CTNNA2: variants seen among roughly 807,000 people sequenced by gnomAD.
CTNNA2 encodes catenin alpha-2.
Under a neutral mutation model 101.0 loss-of-function variants are expected in CTNNA2, and 42 were observed. That is an observed-to-expected ratio of 0.42 (90% CI 0.32 to 0.54). The LOEUF is 0.54. Ranked by LOEUF, CTNNA2 falls within the 20% of genes least tolerant of loss-of-function variation. CTNNA2 has a pLI of 0.14. For missense variants in CTNNA2, 871 were observed against 1,223.1 expected (o/e 0.71, Z 4.29); for synonymous variants, 450 against 456.4 (o/e 0.99, Z 0.18).
At chr2:79,324,351 A>C (rs1010148589) in intron 3 of CTNNA2, among the ~76,000 whole-genome samples, 7 of 152,042 alleles carry the variant, frequency 4.6e-5, no homozygotes, top group Admixed American at 4.6e-4. Flanking sequence ...CTGGGGCATA[A>C]GTGCTGTCCT....
intron 1 of CTNNA2, among the ~76,000 whole-genome samples, chr2:79,577,663 A>G (rs1675884048): frequency 6.6e-6 from 1 of 152,154 alleles, no homozygotes; most frequent in African/African-American, 2.4e-5. Context: ...TTAAAATAAC[A>G]GTGACTTTTT....
At chr2:80,130,032 G>A (rs2148892827) in intron 7 of CTNNA2, among the ~76,000 whole-genome samples, 1 of 152,258 alleles carries the variant, frequency 6.6e-6, no homozygotes, top group East Asian at 1.9e-4. Context: ...TGCAGGATGA[G>A]AGGGGATTAC....
At chr2:79,924,136 A>T (rs566474120) in intron 7 of CTNNA2, among the ~76,000 whole-genome samples, 71 of 152,026 alleles carry the variant, frequency 4.7e-4, no homozygotes, top group African/African-American at 1.5e-3. Context: ...TTCAGTCTTT[A>T]AAAAAAAGGA....
intron 1 of CTNNA2, among the ~76,000 whole-genome samples, chr2:79,593,329 A>G (rs1370566700): frequency 1.3e-5 from 2 of 152,212 alleles, no homozygotes; most frequent in Non-Finnish European, 2.9e-5. Flanking sequence ...CCTGGGATAC[A>G]TTGCTACAGT....
chr2:80,076,076 G>T (rs1053183351), intron 7 of CTNNA2, among the ~76,000 whole-genome samples: 4 of 151,768 alleles, frequency 2.6e-5, no homozygotes, highest in Admixed American at 6.6e-5. Context: ...TCCCTGATAA[G>T]AACTTATCAA....
At chr2:80,388,073 C>T (rs1008263918) in intron 7 of CTNNA2, among the ~76,000 whole-genome samples, 5 of 152,198 alleles carry the variant, frequency 3.3e-5, no homozygotes, top group African/African-American at 1.2e-4. Flanking sequence ...GGAAATACAC[C>T]TCAAAGTGAG....
chr2:80,547,965 T>A (rs944314463), intron 11 of CTNNA2, among the ~76,000 whole-genome samples: 4 of 152,298 alleles, frequency 2.6e-5, no homozygotes, highest in African/African-American at 9.6e-5. Flanking sequence ...GTGCTGGTAT[T>A]ACAGGCGTGA....
chr2:79,688,099 G>C (rs1684058067), intron 2 of CTNNA2, among the ~76,000 whole-genome samples: 1 of 152,114 alleles, frequency 6.6e-6, no homozygotes, highest in Admixed American at 6.6e-5. Context: ...ACTCCAAATA[G>C]AGAATTTAAT....
At position 80,648,348 on chromosome 2, in the gene CTNNA2, T is replaced by C. The variant is rs988362635; in HGVS notation, c.*476T>C. On this transcript the variant is annotated 3_prime_UTR_variant, in exon 19 of 19. Transcript: ENST00000402739. ...TACGCTTAAGTGTGTGGCCCATGAATTGAACAATTTAACCTTGAAGTCTAT... is the reference window on the plus strand; with the variant it reads ...TACGCTTAAGTGTGTGGCCCATGAACTGAACAATTTAACCTTGAAGTCTAT... 1 of 152,710 alleles carries C rather than the reference T, an allele frequency of 6.5e-6. No homozygotes were observed. The highest frequency in any genetic ancestry group is 2.4e-5 in the African/African-American group (1 of 41,444). 9.5% of individuals were successfully genotyped at this position (152,710 alleles called of 1,614,324 possible).
intron 7 of CTNNA2, among the ~76,000 whole-genome samples, chr2:80,335,413 G>T (rs984290091): frequency 6.6e-6 from 1 of 152,140 alleles, no homozygotes; most frequent in East Asian, 1.9e-4. Context: ...CTTCAGACTG[G>T]CCCCAAATGC....
chr2:80,169,039 G>A (rs1243569065), intron 7 of CTNNA2, among the ~76,000 whole-genome samples: 1 of 152,186 alleles, frequency 6.6e-6, no homozygotes, highest in Non-Finnish European at 1.5e-5. Context: ...GAATCCATGG[G>A]CCACGGGGCC....
chr2:79,919,083 C>T (rs961635932), intron 7 of CTNNA2, among the ~76,000 whole-genome samples: 4 of 152,226 alleles, frequency 2.6e-5, no homozygotes, highest in African/African-American at 9.6e-5. Context: ...CGGTTCTTGG[C>T]CAAGCCTCCT....
At chr2:80,619,757 C>T (rs1244047754) in intron 18 of CTNNA2, among the ~76,000 whole-genome samples, 1 of 151,848 alleles carries the variant, frequency 6.6e-6, no homozygotes, top group Non-Finnish European at 1.5e-5. Flanking sequence ...CTAAAATGTT[C>T]ATTTTTTGAA....
At chr2:80,467,022 G>T (rs528178631) in intron 9 of CTNNA2, among the ~76,000 whole-genome samples, 15 of 152,316 alleles carry the variant, frequency 9.8e-5, no homozygotes, top group African/African-American at 3.6e-4. Context: ...GTTTAGCCAA[G>T]GAGGTTTACC....
At chr2:79,866,972 A>G (rs2104003383) in intron 4 of CTNNA2, among the ~76,000 whole-genome samples, 1 of 152,266 alleles carries the variant, frequency 6.6e-6, no homozygotes, top group East Asian at 1.9e-4. Context: ...GTTCAAATCC[A>G]GACCAATCTG....
Position 79,342,539 on chromosome 2 carries a change from C to A in CTNNA2, c.-318+29743C>A, listed in dbSNP as rs942058767. Among the ~76,000 whole-genome samples the A allele has an allele frequency of 3.9e-5, 6 of 152,240 alleles. No individual in the cohort carries two copies. In the East Asian group the frequency reaches 9.6e-4, roughly 24 times the overall value. ...CATCTTTGAAAGAAGACATAAAATG[C>A]AAATAATCCTGGAAGAGGAAATACA... On this transcript the variant is annotated intron_variant, in intron 3 of 21. Coordinates refer to the CTNNA2 transcript ENST00000466387.
At chr2:79,771,515 C>A (rs948042647) in intron 3 of CTNNA2, among the ~76,000 whole-genome samples, 1 of 152,138 alleles carries the variant, frequency 6.6e-6, no homozygotes, top group South Asian at 2.1e-4. Flanking sequence ...AGCTTGTTTT[C>A]CTGCAACTGG....
chr2:79,973,247 T>C (rs894742883), intron 7 of CTNNA2, among the ~76,000 whole-genome samples: 9 of 152,168 alleles, frequency 5.9e-5, no homozygotes, highest in Non-Finnish European at 1.0e-4. Flanking sequence ...AATCAATGGC[T>C]GATGTTAGCA....
At chr2:79,548,355 T>A (rs1166965738) in intron 1 of CTNNA2, among the ~76,000 whole-genome samples, 63 of 152,254 alleles carry the variant, frequency 4.1e-4, no homozygotes, top group Admixed American at 4.1e-3. Flanking sequence ...ATTTTCCTGA[T>A]AATTGTCTAG....
Sources: allele counts gnomAD v4.1 joint callset (sites outside exome capture counted in the v4.1 genomes callset), GRCh38; gene constraint gnomAD v4.1.1; transcripts MANE v1.5; gene names NCBI Gene and HGNC (gene_info 2026-07-23, HGNC 2026-07-21).